CWF19L2: variants seen among roughly 807,000 people sequenced by gnomAD.
The protein encoded by CWF19L2 is CWF19 like cell cycle control factor 2.
A neutral mutation model predicts 111.7 loss-of-function variants in CWF19L2; 98 were observed. That is an observed-to-expected ratio of 0.88 (90% CI 0.75 to 1.04). The LOEUF (loss-of-function observed/expected upper bound fraction) is 1.04. CWF19L2 is among the 50% of genes least tolerant of loss of function. CWF19L2 has a pLI of 0.00. For missense variants in CWF19L2, 1,101 were observed against 1,051.4 expected, an observed-to-expected ratio of 1.05 and a Z score of -0.65; for synonymous variants, 351 against 342.9, an observed-to-expected ratio of 1.02 and a Z score of -0.26.
chr11:107,337,519 G>C (rs1235881094), intron 14 of CWF19L2, among the ~76,000 whole-genome samples: 1 of 152,110 alleles, frequency 6.6e-6, no homozygotes, highest in Non-Finnish European at 1.5e-5. Context: ...TGTAGTACAG[G>C]ATGGAGCTAG....
chr11:107,403,160 T>G (rs913995939), intron 10 of CWF19L2, among the ~76,000 whole-genome samples: 1 of 151,488 alleles, frequency 6.6e-6, no homozygotes, highest in Non-Finnish European at 1.5e-5. Context: ...CAGTGTATAC[T>G]GCTTGAGTGA....
At chr11:107,389,234 G>T (rs1352397980) in intron 12 of CWF19L2, among the ~76,000 whole-genome samples, 7 of 152,138 alleles carry the variant, frequency 4.6e-5, no homozygotes. Context: ...GTTATTATAG[G>T]GTGGAAGTTG....
chr11:107,330,855 T>C (rs914304882), intron 16 of CWF19L2, among the ~76,000 whole-genome samples: 3 of 152,120 alleles, frequency 2.0e-5, no homozygotes. Flanking sequence ...TTCCCTCATA[T>C]AGTCTGTACT....
intron 5 of CWF19L2, among the ~76,000 whole-genome samples, chr11:107,440,929 C>T (rs1482809718): frequency 6.6e-6 from 1 of 152,088 alleles, no homozygotes; most frequent in Non-Finnish European, 1.5e-5. Flanking sequence ...ATACTGAGTA[C>T]TGGAAAAGAA....
chr11:107,352,324 G>T (rs1031521215), intron 13 of CWF19L2, among the ~76,000 whole-genome samples: 1 of 151,866 alleles, frequency 6.6e-6, no homozygotes, highest in African/African-American at 2.4e-5. Flanking sequence ...AAACTGATCT[G>T]GTTATGTTTG....
At chr11:107,347,737 A>G (rs1336692710) in intron 14 of CWF19L2, among the ~76,000 whole-genome samples, 1 of 152,200 alleles carries the variant, frequency 6.6e-6, no homozygotes, top group African/African-American at 2.4e-5. Context: ...CTAAAATATT[A>G]TATTTGTGTA....
chr11:107,455,162 T>A (rs1011126676), intron 2 of CWF19L2, among the ~76,000 whole-genome samples: 1 of 152,138 alleles, frequency 6.6e-6, no homozygotes, highest in African/African-American at 2.4e-5. Context: ...AAGAACAGAC[T>A]TTTAACGTTC....
At chr11:107,395,555 A>G (rs928343489) in intron 10 of CWF19L2, among the ~76,000 whole-genome samples, 3 of 152,334 alleles carry the variant, frequency 2.0e-5, no homozygotes, top group African/African-American at 7.2e-5. Flanking sequence ...TAAAATATAT[A>G]TAAACAACCC....
chr11:107,424,072 A>G (rs1156420351), intron 8 of CWF19L2, among the ~76,000 whole-genome samples: 4 of 151,816 alleles, frequency 2.6e-5, no homozygotes, highest in Non-Finnish European at 4.4e-5. Context: ...GATCAAGGGG[A>G]TCACCAATAT....
At chr11:107,364,305 GCT>G (rs1479073246) in intron 12 of CWF19L2, among the ~76,000 whole-genome samples, 2 of 145,768 alleles carry the variant, frequency 1.4e-5, no homozygotes, top group African/African-American at 5.2e-5. Context: ...ATTGAACTCA[GCT>G]CTGCCTCAAG....
At chr11:107,327,466 C>G (rs571228869) in intron 17 of CWF19L2, among the ~76,000 whole-genome samples, 38 of 152,204 alleles carry the variant, frequency 2.5e-4, no homozygotes, top group Non-Finnish European at 2.6e-4. Context: ...CTAATGTTCT[C>G]TCTCTGCTAC....
chr11:107,350,776 G>C (rs1860145914), intron 13 of CWF19L2, among the ~76,000 whole-genome samples: 1 of 152,156 alleles, frequency 6.6e-6, no homozygotes, highest in Non-Finnish European at 1.5e-5. Context: ...ATAGTGTCTA[G>C]GGAGAAGTTA....
chr11:107,410,966 G>A (rs184728079), intron 10 of CWF19L2, among the ~76,000 whole-genome samples: 1 of 152,204 alleles, frequency 6.6e-6, no homozygotes, highest in African/African-American at 2.4e-5. Context: ...GTCAAAAAAT[G>A]AGAAGAAAAT....
chr11:107,334,795 TG>T, intron 16 of CWF19L2, 85 bp downstream of exon 16: 1 of 851,582 alleles, frequency 1.2e-6, no homozygotes, highest in East Asian at 2.4e-5. Context: ...CTCAACCAAA[TG>T]GTCCCTTTGT....
intron 8 of CWF19L2, among the ~76,000 whole-genome samples, chr11:107,422,014 T>G (rs1291677384): frequency 6.6e-6 from 1 of 152,004 alleles, no homozygotes; most frequent in Non-Finnish European, 1.5e-5. Context: ...ACCAATAGTA[T>G]ATTACCCATC....
chr11:107,382,678 C>T (rs565087372), intron 12 of CWF19L2, among the ~76,000 whole-genome samples: 3 of 152,156 alleles, frequency 2.0e-5, no homozygotes, highest in Non-Finnish European at 4.4e-5. Flanking sequence ...TTATGATATG[C>T]GTTGGTTTTC....
chr11:107,358,660 C>A (rs1860275766), intron 12 of CWF19L2, among the ~76,000 whole-genome samples: 1 of 152,160 alleles, frequency 6.6e-6, no homozygotes, highest in African/African-American at 2.4e-5. Flanking sequence ...AATCTATAGA[C>A]AAAATAGATT....
chr11:107,394,291 C>T (rs560009600), intron 10 of CWF19L2, among the ~76,000 whole-genome samples: 1 of 152,042 alleles, frequency 6.6e-6, no homozygotes, highest in Non-Finnish European at 1.5e-5. Flanking sequence ...AATAAATAAA[C>T]GAACATTAAT....
chr11:107,340,119 T>C (rs1368446468), intron 14 of CWF19L2, among the ~76,000 whole-genome samples: 1 of 152,222 alleles, frequency 6.6e-6, no homozygotes, highest in African/African-American at 2.4e-5. Context: ...TATCAGAGTA[T>C]TTTGCAGAAC....
Sources: gnomAD v4.1 joint callset for allele counts (sites outside exome capture counted in the v4.1 genomes callset) on GRCh38, gnomAD v4.1.1 for gene constraint, MANE v1.5 for transcripts, NCBI Gene and HGNC (gene_info 2026-07-23, HGNC 2026-07-21) for gene names.